AUTS2: variants seen among roughly 807,000 people sequenced by gnomAD.
The protein encoded by AUTS2 is activator of transcription and developmental regulator AUTS2.
AUTS2 carries 17 observed loss-of-function variants against 112.4 expected under a neutral mutation model. The observed-to-expected ratio is 0.15, with a 90% CI of 0.10 to 0.23. The LOEUF is 0.23. Ranked by LOEUF, AUTS2 falls within the 10% of genes least tolerant of loss-of-function variation. The probability of loss-of-function intolerance (pLI) is 1.00; values close to 1 mark genes in which losing one functional copy is unlikely to be tolerated. For missense variants in AUTS2, 1,510 were observed against 1,701.6 expected, an observed-to-expected ratio of 0.89 and a Z score of 1.98; for synonymous variants, 751 against 702.7, an observed-to-expected ratio of 1.07 and a Z score of -1.09.
intron 5 of AUTS2, among the ~76,000 whole-genome samples, chr7:70,693,356 T>G (rs1808856554): frequency 6.6e-6 from 1 of 152,158 alleles, no homozygotes. Context: ...TGCCATTGCT[T>G]TCATTCTTTC....
rs73450507 is a variant in AUTS2, at chr7:70,502,116, C to T, written c.690+66335C>T. On this transcript the variant is annotated intron_variant, in intron 5 of 18. Coordinates refer to ENST00000342771, the MANE Select transcript of AUTS2 (RefSeq NM_015570.4). ...TGTACACTGGTTAGAAATGGAAGCA[C>T]CTCCGTGACTTTCCTCTCCCTGTCA... is the stretch of plus-strand genomic sequence containing the variant. Among the ~76,000 whole-genome samples, 1,310 of 152,270 alleles carry T rather than the reference C, an allele frequency of 8.6e-3. 20 individuals carry two copies. The highest frequency in any genetic ancestry group is 0.03 in the African/African-American group (1,242 of 41,550).
chr7:70,401,642 G>T (rs1399111115), intron 4 of AUTS2, among the ~76,000 whole-genome samples: 2 of 152,198 alleles, frequency 1.3e-5, no homozygotes, highest in Non-Finnish European at 2.9e-5. Context: ...AAGGCCTACG[G>T]TTAGGAGTCA....
intron 5 of AUTS2, among the ~76,000 whole-genome samples, chr7:70,656,675 G>A (rs1010988091): frequency 1.1e-4 from 16 of 152,238 alleles, no homozygotes; most frequent in African/African-American, 3.9e-4. Flanking sequence ...ACTGGAGCCT[G>A]GGCCTTCACA....
chr7:70,088,567 G>A (rs1409201799), intron 2 of AUTS2, among the ~76,000 whole-genome samples: 1 of 149,712 alleles, frequency 6.7e-6, no homozygotes, highest in Non-Finnish European at 1.5e-5. Flanking sequence ...GAAGCTGAAG[G>A]CATTGATCTG....
chr7:69,863,010 C>T (rs1793059547), intron 1 of AUTS2, among the ~76,000 whole-genome samples: 1 of 152,080 alleles, frequency 6.6e-6, no homozygotes, highest in South Asian at 2.1e-4. Flanking sequence ...TCAGAGACTA[C>T]CCCATCATAC....
intron 6 of AUTS2, among the ~76,000 whole-genome samples, chr7:70,701,085 C>T (rs1809431899): frequency 1.3e-5 from 2 of 152,362 alleles, no homozygotes; most frequent in East Asian, 1.9e-4. Flanking sequence ...TTAAGTTACA[C>T]ATCACTTCTC....
At chr7:69,880,455 C>T (rs1393614901) in intron 1 of AUTS2, among the ~76,000 whole-genome samples, 2 of 152,150 alleles carry the variant, frequency 1.3e-5, no homozygotes, top group Non-Finnish European at 2.9e-5. Flanking sequence ...GCATTCACTA[C>T]CACAGTGAAC....
intron 1 of AUTS2, among the ~76,000 whole-genome samples, chr7:69,699,495 A>G (rs1032013998): frequency 3.9e-5 from 6 of 152,110 alleles, no homozygotes; most frequent in Non-Finnish European, 7.4e-5. Context: ...AGATCATTCC[A>G]TCTCACTACA....
chr7:69,600,354 TG>T (rs1434474701), intron 1 of AUTS2, among the ~76,000 whole-genome samples: 1 of 151,566 alleles, frequency 6.6e-6, no homozygotes, highest in African/African-American at 2.4e-5. Context: ...GTCTCTTTGC[TG>T]GGTTTGGGGC....
At chr7:69,806,666 C>CA (rs1224361359) in intron 1 of AUTS2, among the ~76,000 whole-genome samples, 1 of 152,174 alleles carries the variant, frequency 6.6e-6, no homozygotes, top group Non-Finnish European at 1.5e-5. Flanking sequence ...CTGTTACCCT[C>CA]ATTTGCTAGT....
chr7:70,047,962 A>G (rs1235120739), intron 2 of AUTS2, among the ~76,000 whole-genome samples: 1 of 152,204 alleles, frequency 6.6e-6, no homozygotes, highest in Non-Finnish European at 1.5e-5. Flanking sequence ...GTAAATATTA[A>G]GTACACTATT....
chr7:70,602,328 C>T (rs1038149564), intron 5 of AUTS2, among the ~76,000 whole-genome samples: 8 of 152,152 alleles, frequency 5.3e-5, no homozygotes, highest in Admixed American at 2.6e-4. Context: ...CTAATGTCAC[C>T]GGTTGGACTG....
At chr7:70,496,194 G>A (rs1798488722) in intron 5 of AUTS2, among the ~76,000 whole-genome samples, 6 of 73,158 alleles carry the variant, frequency 8.2e-5, no homozygotes, top group South Asian at 5.0e-4. Flanking sequence ...CCCCACACAT[G>A]CACACGTCAC....
At chr7:69,806,073 AACTTTTGATAGAG>A (rs142739427) in intron 1 of AUTS2, among the ~76,000 whole-genome samples, 1,555 of 151,252 alleles carry the variant, frequency 0.01, 39 homozygotes, top group African/African-American at 0.036. Flanking sequence ...CTAATTTTGT[AACTTTTGATAGAG>A]ACACACACGG....
chr7:70,342,333 T>G (rs1203099477), intron 4 of AUTS2, among the ~76,000 whole-genome samples: 1 of 152,034 alleles, frequency 6.6e-6, no homozygotes. Context: ...CTTTTTTTTT[T>G]TTTGCGGGGG....
chr7:70,786,150 G>A (rs1173294056), intron 17 of AUTS2, 112 bp downstream of exon 17: 3 of 911,128 alleles, frequency 3.3e-6, no homozygotes, highest in African/African-American at 3.3e-5. Flanking sequence ...GGGGACCAGT[G>A]TAGGTTATAT....
intron 4 of AUTS2, among the ~76,000 whole-genome samples, chr7:70,181,783 C>T (rs1809320820): frequency 6.7e-6 from 1 of 149,800 alleles, no homozygotes; most frequent in Admixed American, 6.7e-5. Context: ...GCCACCAAGC[C>T]CAGCTGAGCT....
chr7:70,672,389 G>T (rs1807689453), intron 5 of AUTS2, among the ~76,000 whole-genome samples: 1 of 152,142 alleles, frequency 6.6e-6, no homozygotes, highest in Non-Finnish European at 1.5e-5. Context: ...TGTCACGGAA[G>T]CCCAGTAACA....
At chr7:69,619,061 A>G (rs889523641) in intron 1 of AUTS2, among the ~76,000 whole-genome samples, 35 of 152,096 alleles carry the variant, frequency 2.3e-4, no homozygotes, top group African/African-American at 8.0e-4. Flanking sequence ...GTTTTTCTTC[A>G]CTGGGTTCTC....
Sources: gnomAD v4.1 joint callset for allele counts (sites outside exome capture counted in the v4.1 genomes callset) on GRCh38, gnomAD v4.1.1 for gene constraint, MANE v1.5 for transcripts, NCBI Gene and HGNC (gene_info 2026-07-23, HGNC 2026-07-21) for gene names.